ABCA13: variants seen among roughly 807,000 people sequenced by gnomAD.
ABCA13 encodes ATP-binding cassette sub-family A member 13.
Under a neutral mutation model 478.7 loss-of-function variants are expected in ABCA13, and 476 were observed. The ratio of observed to expected loss-of-function variants is 0.99; its 90% CI spans 0.92 to 1.07. The LOEUF (loss-of-function observed/expected upper bound fraction) is 1.07, where lower values mean the gene tolerates loss of function less well. Among genes scored for constraint, ABCA13 ranks in the 50% least tolerant of loss-of-function variants. The pLI is 0.00. For missense variants in ABCA13, 6,060 were observed against 5,910.6 expected, an observed-to-expected ratio of 1.03 and a Z score of -0.83; for synonymous variants, 2,252 against 2,158.9, an observed-to-expected ratio of 1.04 and a Z score of -1.20.
At chr7:48,563,708 G>C (rs552536299) in intron 55 of ABCA13, among the ~76,000 whole-genome samples, 2 of 152,010 alleles carry the variant, frequency 1.3e-5, no homozygotes, top group South Asian at 4.1e-4. Flanking sequence ...TCTTTAATTG[G>C]AAGCAAGACT....
intron 3 of ABCA13, among the ~76,000 whole-genome samples, chr7:48,199,368 G>A (rs544663824): frequency 6.6e-6 from 1 of 152,278 alleles, no homozygotes; most frequent in South Asian, 2.1e-4. Flanking sequence ...GGTGCCAGCT[G>A]ATCTGGTATC....
rs187969362 is a variant in ABCA13 at position 48,626,578 on chromosome 7, A to G, written c.14837+11201A>G. The G allele has an allele frequency of 1.1e-4, 113 of 983,370 alleles. No individual in the cohort carries two copies. In the African/African-American group the frequency reaches 1.6e-3, roughly 14 times the overall value. The allele number at this position is 983,370 out of a possible 1,614,324, so 60.9% of individuals were successfully genotyped here. A position where few individuals can be genotyped will look rare whatever the true frequency, so the allele number is the denominator to read the frequency against. On this transcript the variant is annotated intron_variant, in intron 59 of 61. Coordinates refer to ENST00000435803, the MANE Select transcript of ABCA13 (RefSeq NM_152701.5). ...AACAGGAGAATAACTGGCCTATTAA[A>G]CAGAAATTTTTGTTCTCTAGTAGGA...
Position 48,272,383 on chromosome 7 carries a change from G to A in ABCA13, c.2717G>A (p.Gly906Glu). 1.2e-6 allele frequency: 2 copies of A among 1,613,740 alleles called. No homozygotes were observed. The highest frequency in any genetic ancestry group is 1.7e-6 in the Non-Finnish European group (2 of 1,179,768). Reference sequence around the variant, plus strand: ...ATAATAACTAGTCTCCATGAATTTGGATTTTTGGAGCAGGAACAGATCTCA... The same window carrying A: ...ATAATAACTAGTCTCCATGAATTTGAATTTTTGGAGCAGGAACAGATCTCA... ...EAIITSLHEF[G>E]FLEQEQISEA... The change falls in exon 17 of 62, where the codon GGA (glycine) becomes GAA (glutamate). Residue 906 changes from glycine (G) to glutamate (E), a missense_variant. By Grantham distance (98) the Gly-to-Glu change is moderately conservative. Transcript: ENST00000435803.
intron 55 of ABCA13, among the ~76,000 whole-genome samples, chr7:48,533,631 T>A (rs1435211408): frequency 6.6e-6 from 1 of 152,106 alleles, no homozygotes; most frequent in African/African-American, 2.4e-5. Context: ...ATCTGTCTCA[T>A]TTTTTAGGTG....
At chr7:48,489,669 C>T (rs753039798) in intron 48 of ABCA13, among the ~76,000 whole-genome samples, 2 of 152,144 alleles carry the variant, frequency 1.3e-5, no homozygotes, top group African/African-American at 2.4e-5. Flanking sequence ...CTTTTAAAGA[C>T]AATATTATAT....
At chr7:48,571,596 T>C (rs142360336) in intron 55 of ABCA13, among the ~76,000 whole-genome samples, 8 of 152,312 alleles carry the variant, frequency 5.3e-5, no homozygotes, top group African/African-American at 1.9e-4. Context: ...AGATTCTTTT[T>C]ACACTATGAG....
At chr7:48,627,060 A>C in intron 59 of ABCA13, 4 of 985,024 alleles carry the variant, frequency 4.1e-6, no homozygotes, top group Non-Finnish European at 4.8e-6. Flanking sequence ...TGCTGCATTT[A>C]TTTTAATTAT....
rs192335128 is a variant in ABCA13, at chr7:48,272,655, G to C, written c.2989G>C (p.Asp997His). 25 of 1,612,956 alleles carry C rather than the reference G, an allele frequency of 1.5e-5. No individual in the cohort carries two copies. In the Admixed American group the frequency reaches 4.0e-4, roughly 26 times the overall value. ...FLTQISKHIL[D>H]IIKQFNFQNI... ...TACACAAATCTCAAAACACATTTTG[G>C]ATATCATAAAACAATTTAATTTCCA... The change falls in exon 17 of 62, where the codon GAT becomes CAT. Residue 997 changes from aspartate to histidine, a missense_variant. By Grantham distance (81) the Asp-to-His change is moderately conservative (BLOSUM62 -1). Coordinates refer to ENST00000435803, the MANE Select transcript of ABCA13 (RefSeq NM_152701.5).
chr7:48,340,619 T>C (rs918414519), intron 29 of ABCA13, among the ~76,000 whole-genome samples: 2 of 152,160 alleles, frequency 1.3e-5, no homozygotes, highest in African/African-American at 2.4e-5. Flanking sequence ...ACAAAAATGA[T>C]TATACTGTTC....
intron 55 of ABCA13, among the ~76,000 whole-genome samples, chr7:48,548,401 T>C (rs1219410488): frequency 1.3e-5 from 2 of 152,006 alleles, no homozygotes; most frequent in South Asian, 2.1e-4. Context: ...TTCTCAGACA[T>C]TTAAATATAA....
intron 48 of ABCA13, among the ~76,000 whole-genome samples, chr7:48,498,667 C>T (rs1830480332): frequency 6.6e-6 from 1 of 152,064 alleles, no homozygotes. Flanking sequence ...ACATTCTGTA[C>T]CTAGTGAAGA....
intron 20 of ABCA13, among the ~76,000 whole-genome samples, chr7:48,289,111 GT>G (rs1400727215): frequency 6.6e-6 from 1 of 152,178 alleles, no homozygotes; most frequent in Non-Finnish European, 1.5e-5. Flanking sequence ...TGGCAAGGGT[GT>G]CGAATGCCAT....
At position 48,174,317 on chromosome 7, in the gene ABCA13, G is replaced by T. The variant is rs560451375; in HGVS notation, c.69+2765G>T. Among the ~76,000 whole-genome samples the T allele has an allele frequency of 5.4e-3, 816 of 151,492 alleles. 2 individuals are homozygous for T. The highest frequency in any genetic ancestry group is 9.1e-3 in the Non-Finnish European group (619 of 67,856). On this transcript the variant is annotated intron_variant, in intron 1 of 61. Coordinates refer to ENST00000435803, the MANE Select transcript of ABCA13 (RefSeq NM_152701.5). ...TTTTTTTTAGCTTTTTTTTTAAATT[G>T]ATGCATAATAGATGTACATAGTGTC... is the stretch of plus-strand genomic sequence containing the variant.
rs750366312 is a variant in ABCA13 at position 48,272,451 on chromosome 7, C to T, written c.2785C>T (p.Leu929Phe). 3 of 1,613,756 alleles carry T rather than the reference C, an allele frequency of 1.9e-6. No individual in the cohort carries two copies. In the Admixed American group the frequency reaches 5.0e-5, roughly 27 times the overall value. The change falls in exon 17 of 62, where the codon CTT (leucine) becomes TTT (phenylalanine). Residue 929 changes from leucine to phenylalanine, a missense_variant. Leu to Phe is a conservative substitution (Grantham distance 22). Coordinates refer to ENST00000435803, the MANE Select transcript of ABCA13 (RefSeq NM_152701.5). ...TVYAIRNASD[L>F]FSALSEPQKQ... ...CTACGCTATCAGGAATGCATCTGATCTTTTCTCAGCCCTTTCTGAACCACA... is the reference window on the plus strand; with the variant it reads ...CTACGCTATCAGGAATGCATCTGATTTTTTCTCAGCCCTTTCTGAACCACA...
chr7:48,545,126 T>C (rs1784705148), intron 55 of ABCA13, among the ~76,000 whole-genome samples: 1 of 151,792 alleles, frequency 6.6e-6, no homozygotes, highest in Non-Finnish European at 1.5e-5. Context: ...AAATTTCTGA[T>C]TTGGAGGCAT....
At chr7:48,439,254 G>C (rs1309367075) in intron 42 of ABCA13, among the ~76,000 whole-genome samples, 1 of 152,040 alleles carries the variant, frequency 6.6e-6, no homozygotes, top group East Asian at 1.9e-4. Flanking sequence ...AGCTTGTTTA[G>C]GTCTTTGGCA....
intron 1 of ABCA13, 34 bp downstream of exon 1, chr7:48,171,586 A>T: frequency 6.5e-6 from 10 of 1,534,982 alleles, no homozygotes; most frequent in Non-Finnish European, 8.7e-6. Flanking sequence ...ATAGGGTTCC[A>T]GTGAGGTCTG....
chr7:48,599,473 A>C (rs1790652687), intron 58 of ABCA13, among the ~76,000 whole-genome samples: 4 of 152,256 alleles, frequency 2.6e-5, no homozygotes, highest in Middle Eastern at 3.4e-3. Flanking sequence ...TTCTGAATAG[A>C]AGTCCCTTGC....
intron 39 of ABCA13, among the ~76,000 whole-genome samples, chr7:48,407,002 A>G (rs919084835): frequency 1.3e-5 from 2 of 152,174 alleles, no homozygotes; most frequent in Non-Finnish European, 2.9e-5. Context: ...ATGCCTGCAA[A>G]CTTAATTGAA....
Sources: gnomAD v4.1 joint callset for allele counts (sites outside exome capture counted in the v4.1 genomes callset) on GRCh38, gnomAD v4.1.1 for gene constraint, MANE v1.5 for transcripts, NCBI Gene and HGNC (gene_info 2026-07-23, HGNC 2026-07-21) for gene names.